The following PTPRT variants were observed in gnomAD, a reference collection of about 807,000 sequenced individuals.
PTPRT encodes receptor-type tyrosine-protein phosphatase T.
Under a neutral mutation model 176.8 loss-of-function variants are expected in PTPRT, and 56 were observed. The ratio of observed to expected loss-of-function variants is 0.32; its 90% CI spans 0.26 to 0.40. The LOEUF is 0.40. PTPRT is among the 10% of genes least tolerant of loss of function. The pLI, the probability that PTPRT is intolerant of heterozygous loss-of-function variation, is 1.00. For missense variants in PTPRT, 1,540 were observed against 1,908.2 expected, an observed-to-expected ratio of 0.81 and a Z score of 3.60; for synonymous variants, 783 against 739.0, an observed-to-expected ratio of 1.06 and a Z score of -0.96.
intron 2 of PTPRT, among the ~76,000 whole-genome samples, chr20:42,826,096 G>C (rs746169440): frequency 6.6e-6 from 1 of 151,938 alleles, no homozygotes; most frequent in East Asian, 1.9e-4. Context: ...ATCAAGCAGA[G>C]AGGATATAGC....
At chr20:42,469,817 A>T (rs915413286) in intron 8 of PTPRT, among the ~76,000 whole-genome samples, 1 of 152,102 alleles carries the variant, frequency 6.6e-6, no homozygotes, top group Non-Finnish European at 1.5e-5. Flanking sequence ...AAACTTCCAG[A>T]TCTAGGATGG....
At chr20:42,934,610 G>A (rs1980057729) in intron 1 of PTPRT, among the ~76,000 whole-genome samples, 2 of 152,112 alleles carry the variant, frequency 1.3e-5, no homozygotes, top group African/African-American at 4.8e-5. Context: ...GTTTCTCAGG[G>A]GTTGTTGGAC....
intron 1 of PTPRT, among the ~76,000 whole-genome samples, chr20:43,114,172 T>C (rs1179562081): frequency 6.6e-6 from 1 of 152,204 alleles, no homozygotes; most frequent in African/African-American, 2.4e-5. Flanking sequence ...AGATCTAACA[T>C]GAGATAAGCC....
intron 2 of PTPRT, among the ~76,000 whole-genome samples, chr20:42,874,004 A>G (rs1289501986): frequency 6.6e-6 from 1 of 152,200 alleles, no homozygotes; most frequent in Non-Finnish European, 1.5e-5. Flanking sequence ...TTTACTAAGG[A>G]AAAGACAGAT....
intron 19 of PTPRT, among the ~76,000 whole-genome samples, chr20:42,121,315 T>C (rs1987578940): frequency 6.6e-6 from 1 of 152,190 alleles, no homozygotes; most frequent in African/African-American, 2.4e-5. Flanking sequence ...CGCAGAGCAA[T>C]CAACAGCCCT....
intron 17 of PTPRT, among the ~76,000 whole-genome samples, chr20:42,149,719 T>C (rs1989039016): frequency 6.6e-6 from 1 of 152,210 alleles, no homozygotes; most frequent in African/African-American, 2.4e-5. Flanking sequence ...CCACCGCGCC[T>C]GACCCAGAAA....
intron 15 of PTPRT, among the ~76,000 whole-genome samples, 187 bp downstream of exon 15, chr20:42,236,042 G>A (rs1266318214): frequency 5.3e-5 from 8 of 152,134 alleles, no homozygotes; most frequent in Admixed American, 2.0e-4. Flanking sequence ...GAAACATAAC[G>A]AACTTGAACA....
chr20:42,667,728 A>G (rs375336941), intron 7 of PTPRT, among the ~76,000 whole-genome samples: 1 of 152,238 alleles, frequency 6.6e-6, no homozygotes, highest in African/African-American at 2.4e-5. Flanking sequence ...CAAGAGCAAG[A>G]TCTGGTAGAA....
chr20:43,096,502 G>T (rs758118554), intron 1 of PTPRT, among the ~76,000 whole-genome samples: 2 of 152,222 alleles, frequency 1.3e-5, no homozygotes, highest in Non-Finnish European at 2.9e-5. Context: ...GCCCCATTCA[G>T]CAGCTGGGCC....
intron 9 of PTPRT, among the ~76,000 whole-genome samples, chr20:42,417,219 G>C (rs181762018): frequency 1.6e-3 from 247 of 152,234 alleles, no homozygotes; most frequent in African/African-American, 5.6e-3. Flanking sequence ...GAATGAAGCT[G>C]AAATTCCTCT....
intron 9 of PTPRT, among the ~76,000 whole-genome samples, chr20:42,419,938 A>G (rs2059103189): frequency 6.6e-6 from 1 of 152,290 alleles, no homozygotes; most frequent in East Asian, 1.9e-4. Flanking sequence ...TGCAGCCACA[A>G]GCCCAGGATG....
At chr20:42,626,539 C>T (rs544187809) in intron 7 of PTPRT, among the ~76,000 whole-genome samples, 7 of 152,314 alleles carry the variant, frequency 4.6e-5, no homozygotes, top group African/African-American at 1.7e-4. Flanking sequence ...AAGCTACCCT[C>T]CTTTTTTCTA....
chr20:43,026,277 C>T (rs758148358), intron 1 of PTPRT, among the ~76,000 whole-genome samples: 13 of 152,026 alleles, frequency 8.6e-5, no homozygotes, highest in Non-Finnish European at 1.5e-5. Flanking sequence ...ACCACCACAC[C>T]CAGCTAATTT....
At chr20:43,168,452 T>A (rs2014912839) in intron 1 of PTPRT, among the ~76,000 whole-genome samples, 1 of 152,182 alleles carries the variant, frequency 6.6e-6, no homozygotes, top group Non-Finnish European at 1.5e-5. Flanking sequence ...GAAGGGGGTA[T>A]CCTCTGGTTG....
intron 9 of PTPRT, among the ~76,000 whole-genome samples, chr20:42,442,976 C>T (rs2059331282): frequency 6.6e-6 from 1 of 152,184 alleles, no homozygotes; most frequent in Non-Finnish European, 1.5e-5. Flanking sequence ...CCCTTCTGCA[C>T]ATCCACACCC....
At chr20:42,143,936 C>T (rs147496672) in intron 17 of PTPRT, among the ~76,000 whole-genome samples, 9 of 152,322 alleles carry the variant, frequency 5.9e-5, no homozygotes, top group African/African-American at 2.2e-4. Context: ...CTGATCAATT[C>T]GCATCCAGTA....
chr20:42,559,361 G>C (rs139168106), intron 7 of PTPRT, among the ~76,000 whole-genome samples: 1 of 152,112 alleles, frequency 6.6e-6, no homozygotes, highest in Non-Finnish European at 1.5e-5. Context: ...GAAGCTTCTC[G>C]TCTTAGCAAC....
intron 2 of PTPRT, among the ~76,000 whole-genome samples, chr20:42,884,156 A>T (rs1258980880): frequency 6.6e-6 from 1 of 152,082 alleles, no homozygotes; most frequent in Non-Finnish European, 1.5e-5. Flanking sequence ...AGTCAGCATG[A>T]TTGGGCAACA....
At chr20:43,045,020 G>A (rs1336622662) in intron 1 of PTPRT, among the ~76,000 whole-genome samples, 1 of 152,244 alleles carries the variant, frequency 6.6e-6, no homozygotes, top group East Asian at 1.9e-4. Context: ...GTCACTGTAA[G>A]ACGGGCAGGC....
Sources: gnomAD v4.1 joint callset for allele counts (sites outside exome capture counted in the v4.1 genomes callset) on GRCh38, gnomAD v4.1.1 for gene constraint, MANE v1.5 for transcripts, NCBI Gene and HGNC (gene_info 2026-07-23, HGNC 2026-07-21) for gene names.